The following ANK2 variants were observed in gnomAD, a reference collection of about 807,000 sequenced individuals.
ANK2 encodes ankyrin-2.
In ANK2, 83 loss-of-function variants were observed where a neutral mutation model predicts 360.5. The ratio of observed to expected loss-of-function variants is 0.23; its 90% CI spans 0.19 to 0.28. The LOEUF (loss-of-function observed/expected upper bound fraction) is 0.28. Ranked by LOEUF, ANK2 falls within the 10% of genes least tolerant of loss-of-function variation. The pLI is 1.00. For missense variants in ANK2, 4,201 were observed against 4,795.7 expected, an observed-to-expected ratio of 0.88 and a Z score of 3.66; for synonymous variants, 1,740 against 1,759.5, an observed-to-expected ratio of 0.99 and a Z score of 0.28.
chr4:113,362,318 T>C (rs2096270171), intron 39 of ANK2, among the ~76,000 whole-genome samples: 1 of 152,214 alleles, frequency 6.6e-6, no homozygotes, highest in Admixed American at 6.5e-5. Flanking sequence ...CGTATATTTT[T>C]AATTTTGAAA....
Position 113,237,037 on chromosome 4 carries a change from G to A in ANK2, c.534G>A (p.Ala178=), listed in dbSNP as rs762387569. The A allele has an allele frequency of 3.7e-5, 60 of 1,614,028 alleles. 1 individual carries two copies. The South Asian group carries it at 4.3e-4, about 12-fold the overall frequency. Residue 178 remains alanine, a synonymous_variant, in exon 6 of 46, where the codon GCG becomes GCA. Transcript: ENST00000357077. ...CACTCCAGCAAGGACACAACCAGGC[G>A]GTGGCCATCCTCTTGGAGAATGACA... ...AVALQQGHNQ[A]VAILLENDTK...
At chr4:112,877,696 G>T (rs551897894) in intron 1 of ANK2, among the ~76,000 whole-genome samples, 67 of 152,190 alleles carry the variant, frequency 4.4e-4, no homozygotes, top group Non-Finnish European at 9.6e-4. Flanking sequence ...GGCCCTATGT[G>T]ACTGCATAGG....
intron 2 of ANK2, among the ~76,000 whole-genome samples, chr4:113,006,621 T>C (rs182997357): frequency 2.9e-4 from 44 of 152,346 alleles, no homozygotes; most frequent in Admixed American, 1.2e-3. Flanking sequence ...GCAATATCTA[T>C]TGAAGTTACA....
intron 2 of ANK2, among the ~76,000 whole-genome samples, chr4:112,975,857 A>T (rs61382343): frequency 1.3e-5 from 2 of 152,188 alleles, no homozygotes; most frequent in Non-Finnish European, 2.9e-5. Context: ...GGAATTTTTT[A>T]AAAGTGATAG....
the ANK2 span, among the ~76,000 whole-genome samples, chr4:112,791,791 T>C: frequency 1.3e-5 from 2 of 151,628 alleles, no homozygotes; most frequent in African/African-American, 4.8e-5. Context: ...GCGCCCAGCC[T>C]AGCCTCTTAC....
chr4:112,730,853 A>T, the ANK2 span, among the ~76,000 whole-genome samples: 3 of 151,468 alleles, frequency 2.0e-5, no homozygotes, highest in Non-Finnish European at 4.4e-5. Flanking sequence ...CTCTAAAAAA[A>T]AAAAAGAGCA....
chr4:113,187,638 C>T lies in ANK2; in HGVS notation c.187-8730C>T, dbSNP rs76890317. ...AGCTCACAGAGTATACAAATATAAA[C>T]AGGGTTAAAATTAAACTTACCAGGG... is the stretch of plus-strand genomic sequence containing the variant. On this transcript the variant is annotated intron_variant, in intron 2 of 45. Coordinates refer to ENST00000357077, the MANE Select transcript of ANK2 (RefSeq NM_001148.6). Among the ~76,000 whole-genome samples the T allele has an allele frequency of 7.1e-3, 1,088 of 152,214 alleles. 16 individuals carry two copies. The highest frequency in any genetic ancestry group is 0.025 in the African/African-American group (1,034 of 41,532).
At chr4:113,114,536 A>G (rs374653687) in intron 1 of ANK2, among the ~76,000 whole-genome samples, 3 of 147,626 alleles carry the variant, frequency 2.0e-5, no homozygotes, top group South Asian at 4.4e-4. Flanking sequence ...AGTCTTAGAG[A>G]CTAAGACTCT....
At chr4:113,061,496 G>T (rs313978) in intron 1 of ANK2, among the ~76,000 whole-genome samples, 128,628 of 152,092 alleles carry the variant, frequency 0.85, 54,638 homozygotes, top group African/African-American at 0.91. Flanking sequence ...TTAATTTTTC[G>T]TTTCAAAAAG....
chr4:112,909,540 A>G (rs1293043439), intron 2 of ANK2, among the ~76,000 whole-genome samples: 1 of 151,994 alleles, frequency 6.6e-6, no homozygotes, highest in Non-Finnish European at 1.5e-5. Flanking sequence ...GTTTCCTACT[A>G]TTTTTTTGTT....
the ANK2 span, among the ~76,000 whole-genome samples, chr4:112,793,985 C>A: frequency 6.6e-6 from 1 of 152,186 alleles, no homozygotes; most frequent in East Asian, 1.9e-4. Flanking sequence ...GCGTGAGCCA[C>A]TGTGCCCAGC....
chr4:113,222,568 GT>G (rs1289015450), intron 4 of ANK2, among the ~76,000 whole-genome samples: 1 of 151,494 alleles, frequency 6.6e-6, no homozygotes, highest in African/African-American at 2.4e-5. Context: ...AGCTGAGGGA[GT>G]AAAAAGAGTA....
At chr4:112,890,343 A>G (rs1195084027) in intron 1 of ANK2, among the ~76,000 whole-genome samples, 1 of 152,162 alleles carries the variant, frequency 6.6e-6, no homozygotes, top group East Asian at 1.9e-4. Flanking sequence ...AGATTCTAGA[A>G]TAAAATTAAA....
chr4:113,146,088 T>A (rs1325194913), intron 1 of ANK2: 1 of 1,237,392 alleles, frequency 8.1e-7, no homozygotes, highest in East Asian at 5.7e-5. Context: ...ACCTCTAAAC[T>A]TCCTGGAAGG....
the ANK2 span, among the ~76,000 whole-genome samples, chr4:112,810,122 TGTGTATATATATATATATATATA>T: frequency 2.7e-5 from 1 of 36,652 alleles, no homozygotes; most frequent in African/African-American, 1.9e-4. Context: ...TTTAATTTTT[TGTGTATATATATATATATATATA>T]TATATATATA....
chr4:112,733,770 TTTTG>T, the ANK2 span, among the ~76,000 whole-genome samples: 115 of 152,122 alleles, frequency 7.6e-4, 3 homozygotes, highest in Middle Eastern at 0.01. Flanking sequence ...CAGAGACCAA[TTTTG>T]TTTGTTTGTT....
At chr4:113,323,521 T>G (rs1454248071) in intron 26 of ANK2, among the ~76,000 whole-genome samples, 10 of 152,164 alleles carry the variant, frequency 6.6e-5, no homozygotes, top group African/African-American at 1.2e-4. Context: ...CATAAGCCAA[T>G]GTTGACCAAG....
intron 1 of ANK2, among the ~76,000 whole-genome samples, chr4:112,831,299 A>G (rs763439289): frequency 1.4e-4 from 22 of 152,144 alleles, no homozygotes; most frequent in Non-Finnish European, 2.2e-4. Flanking sequence ...GAGAACTTTT[A>G]TGCCTAGCTA....
chr4:113,145,676 G>A, intron 1 of ANK2: 1 of 1,136,604 alleles, frequency 8.8e-7, no homozygotes, highest in Non-Finnish European at 1.1e-6. Context: ...GTTGCCGGGG[G>A]TTTTGAGTTC....
Sources: gnomAD v4.1 joint callset for allele counts (sites outside exome capture counted in the v4.1 genomes callset) on GRCh38, gnomAD v4.1.1 for gene constraint, MANE v1.5 for transcripts, NCBI Gene and HGNC (gene_info 2026-07-23, HGNC 2026-07-21) for gene names.